Variants in CNTN5 observed in about 807,000 individuals in gnomAD.
The protein encoded by CNTN5 is contactin 5.
Under a neutral mutation model 129.1 loss-of-function variants are expected in CNTN5, and 77 were observed. The ratio of observed to expected loss-of-function variants is 0.60; its 90% CI spans 0.50 to 0.72. CNTN5 has a LOEUF of 0.72. Among genes scored for constraint, CNTN5 ranks in the 30% least tolerant of loss-of-function variants. The probability of loss-of-function intolerance (pLI) is 0.00; values close to 1 mark genes in which losing one functional copy is unlikely to be tolerated. For missense variants in CNTN5, 1,478 were observed against 1,328.8 expected (o/e 1.11, Z -1.75); for synonymous variants, 509 against 465.6 (o/e 1.09, Z -1.20).
intron 13 of CNTN5, among the ~76,000 whole-genome samples, chr11:100,169,851 C>T (rs2138402423): frequency 6.6e-6 from 1 of 152,064 alleles, no homozygotes; most frequent in Middle Eastern, 3.4e-3. Context: ...TCTTCATTGA[C>T]TATGCTCATT....
At chr11:99,897,229 A>G (rs2135934943) in intron 6 of CNTN5, among the ~76,000 whole-genome samples, 1 of 152,314 alleles carries the variant, frequency 6.6e-6, no homozygotes, top group Non-Finnish European at 1.5e-5. Context: ...AACCTGGAAA[A>G]CATTTGAGAG....
At chr11:100,349,298 G>C (rs905802923) in intron 23 of CNTN5, among the ~76,000 whole-genome samples, 3 of 151,858 alleles carry the variant, frequency 2.0e-5, no homozygotes, top group Non-Finnish European at 4.4e-5. Flanking sequence ...CACATTTTCT[G>C]TAAGAAAATA....
intron 2 of CNTN5, among the ~76,000 whole-genome samples, chr11:99,519,753 T>A (rs1439167387): frequency 1.3e-5 from 2 of 152,060 alleles, no homozygotes; most frequent in Non-Finnish European, 2.9e-5. Flanking sequence ...TCAACCAGTC[T>A]GGGAACAATT....
chr11:99,583,515 T>G (rs956935391), intron 3 of CNTN5, among the ~76,000 whole-genome samples: 4 of 152,236 alleles, frequency 2.6e-5, no homozygotes, highest in Non-Finnish European at 4.4e-5. Flanking sequence ...TACTCAAGCC[T>G]GAGCAATGGT....
intron 15 of CNTN5, among the ~76,000 whole-genome samples, chr11:100,209,954 A>G (rs1948992398): frequency 6.6e-6 from 1 of 152,178 alleles, no homozygotes; most frequent in Non-Finnish European, 1.5e-5. Context: ...AATATTTATG[A>G]ACCTGTAGCT....
intron 2 of CNTN5, among the ~76,000 whole-genome samples, chr11:99,547,442 AT>A (rs1948337041): frequency 6.6e-6 from 1 of 152,234 alleles, no homozygotes; most frequent in Non-Finnish European, 1.5e-5. Flanking sequence ...TTTATAGGAA[AT>A]GTAGAAAGTT....
At chr11:99,795,882 G>A (rs140993945) in intron 3 of CNTN5, among the ~76,000 whole-genome samples, 7 of 152,264 alleles carry the variant, frequency 4.6e-5, no homozygotes, top group African/African-American at 9.6e-5. Context: ...TTGGACCACC[G>A]ATCACAACAC....
chr11:99,425,992 A>C (rs924665208), intron 2 of CNTN5, among the ~76,000 whole-genome samples: 1 of 152,252 alleles, frequency 6.6e-6, no homozygotes, highest in Non-Finnish European at 1.5e-5. Flanking sequence ...ACATAATTAT[A>C]ATTACTACTG....
chr11:99,869,529 C>T (rs1948446532), intron 6 of CNTN5, among the ~76,000 whole-genome samples: 2 of 152,028 alleles, frequency 1.3e-5, no homozygotes, highest in African/African-American at 2.4e-5. Flanking sequence ...TTCAACTATC[C>T]ACTGCCTAAA....
chr11:99,965,587 G>A, intron 8 of CNTN5, among the ~76,000 whole-genome samples: 1 of 152,150 alleles, frequency 6.6e-6, no homozygotes, highest in Admixed American at 6.6e-5. Context: ...CAACTATGTG[G>A]TCAGTTTTGG....
intron 8 of CNTN5, among the ~76,000 whole-genome samples, chr11:99,984,877 G>A (rs780455703): frequency 7.9e-5 from 12 of 152,150 alleles, no homozygotes; most frequent in Non-Finnish European, 1.8e-4. Flanking sequence ...TGCAACAGGG[G>A]CGCCCCGTTT....
intron 3 of CNTN5, among the ~76,000 whole-genome samples, chr11:99,582,573 A>G (rs1033907168): frequency 1.3e-5 from 2 of 151,764 alleles, no homozygotes; most frequent in African/African-American, 2.4e-5. Context: ...CATTTCATTC[A>G]TTTCGTCTTC....
At chr11:99,537,210 T>C (rs993103449) in intron 2 of CNTN5, among the ~76,000 whole-genome samples, 2 of 152,178 alleles carry the variant, frequency 1.3e-5, no homozygotes, top group African/African-American at 2.4e-5. Context: ...CTGTTCTGCT[T>C]AGGAAGATTT....
intron 3 of CNTN5, among the ~76,000 whole-genome samples, chr11:99,646,369 A>G (rs74434701): frequency 6.6e-6 from 1 of 152,338 alleles, no homozygotes; most frequent in Non-Finnish European, 1.5e-5. Context: ...AATTTATTCT[A>G]TCTGCATTGA....
intron 21 of CNTN5, among the ~76,000 whole-genome samples, chr11:100,329,176 T>G (rs1010082522): frequency 1.3e-5 from 2 of 152,226 alleles, no homozygotes; most frequent in East Asian, 3.9e-4. Context: ...ACTTCCCTGG[T>G]GACCTGTATG....
chr11:99,918,313 T>A (rs892613151), intron 7 of CNTN5, among the ~76,000 whole-genome samples: 24 of 152,142 alleles, frequency 1.6e-4, no homozygotes, highest in African/African-American at 5.5e-4. Flanking sequence ...TTCAGTTTAA[T>A]ATTACTGTTA....
chr11:99,766,475 C>G (rs11221277), intron 3 of CNTN5, among the ~76,000 whole-genome samples: 11,042 of 151,884 alleles, frequency 0.073, 519 homozygotes, highest in Non-Finnish European at 0.092. Context: ...ATGGATAACT[C>G]TATTTTATGT....
intron 3 of CNTN5, among the ~76,000 whole-genome samples, chr11:99,752,459 T>TA (rs149046521): frequency 0.071 from 10,796 of 152,184 alleles, 615 homozygotes; most frequent in African/African-American, 0.16. Flanking sequence ...CAGTGTGACT[T>TA]AAAAAATGCC....
At chr11:100,002,633 C>A (rs1939946572) in intron 9 of CNTN5, among the ~76,000 whole-genome samples, 1 of 152,088 alleles carries the variant, frequency 6.6e-6, no homozygotes, top group African/African-American at 2.4e-5. Context: ...TCAATATGTA[C>A]AACATGTAAT....
Sources: allele counts gnomAD v4.1 joint callset (sites outside exome capture counted in the v4.1 genomes callset), GRCh38; gene constraint gnomAD v4.1.1; transcripts MANE v1.5; gene names NCBI Gene and HGNC (gene_info 2026-07-23, HGNC 2026-07-21).